Variants in ANKS1B observed in about 807,000 individuals in gnomAD.
ANKS1B encodes the protein ankyrin repeat and sterile alpha motif domain containing 1B.
In ANKS1B, 36 loss-of-function variants were observed where a neutral mutation model predicts 148.3. The observed-to-expected ratio is 0.24, with a 90% CI of 0.19 to 0.32. The LOEUF (loss-of-function observed/expected upper bound fraction) is 0.32, where lower values mean the gene tolerates loss of function less well. Among genes scored for constraint, ANKS1B ranks in the 10% least tolerant of loss-of-function variants. ANKS1B has a pLI of 1.00. For synonymous variants in ANKS1B, 542 were observed against 560.8 expected (o/e 0.97, Z 0.47); for missense variants, 1,157 against 1,542.6 (o/e 0.75, Z 4.19).
At chr12:99,428,338 G>T (rs900190249) in intron 11 of ANKS1B, among the ~76,000 whole-genome samples, 2 of 152,130 alleles carry the variant, frequency 1.3e-5, no homozygotes, top group South Asian at 2.1e-4. Flanking sequence ...AGCAGGAGGT[G>T]TCCATGTGGA....
chr12:99,383,342 G>A (rs764256347), intron 12 of ANKS1B, among the ~76,000 whole-genome samples: 27 of 152,146 alleles, frequency 1.8e-4, no homozygotes, highest in Non-Finnish European at 2.9e-4. Flanking sequence ...TTTATGTGGC[G>A]ATGAAAATGC....
chr12:99,201,719 G>A (rs551405663), intron 14 of ANKS1B, among the ~76,000 whole-genome samples: 3 of 152,140 alleles, frequency 2.0e-5, no homozygotes, highest in Non-Finnish European at 4.4e-5. Flanking sequence ...ATGTTTTGCT[G>A]AAAGAAAACA....
At chr12:98,743,267 C>G (rs2097818332), downstream of ANKS1B, among the ~76,000 whole-genome samples, 1 of 152,120 alleles carries the variant, frequency 6.6e-6, no homozygotes, top group Non-Finnish European at 1.5e-5. Context: ...TGAGAAAAAT[C>G]TTGTGTGTCT....
intron 12 of ANKS1B, among the ~76,000 whole-genome samples, chr12:99,364,855 A>G (rs1477895987): frequency 6.6e-6 from 1 of 152,192 alleles, no homozygotes; most frequent in Non-Finnish European, 1.5e-5. Flanking sequence ...AACTGCCACC[A>G]ATGAGGAAGA....
At chr12:99,797,925 A>G (rs2066450064) in intron 4 of ANKS1B, among the ~76,000 whole-genome samples, 1 of 151,916 alleles carries the variant, frequency 6.6e-6, no homozygotes, top group African/African-American at 2.4e-5. Context: ...TTGGCGTTAT[A>G]TATTTCTGTG....
chr12:99,214,198 A>T (rs2153924194), intron 14 of ANKS1B, among the ~76,000 whole-genome samples: 1 of 152,324 alleles, frequency 6.6e-6, no homozygotes, highest in African/African-American at 2.4e-5. Flanking sequence ...CTTATGTAAT[A>T]GTTAAATTGA....
chr12:99,792,697 A>G (rs1187757905), intron 4 of ANKS1B, among the ~76,000 whole-genome samples: 2 of 151,952 alleles, frequency 1.3e-5, no homozygotes, highest in African/African-American at 2.4e-5. Context: ...AAAACACCTC[A>G]ATGTAATAAA....
intron 14 of ANKS1B, among the ~76,000 whole-genome samples, chr12:99,183,096 C>A (rs1305199461): frequency 6.6e-6 from 1 of 152,086 alleles, no homozygotes; most frequent in Non-Finnish European, 1.5e-5. Flanking sequence ...CAAATATTTT[C>A]TCCCACTCTA....
chr12:99,077,438 A>T (rs1383336433), intron 16 of ANKS1B, among the ~76,000 whole-genome samples: 2 of 152,210 alleles, frequency 1.3e-5, no homozygotes, highest in Non-Finnish European at 2.9e-5. Context: ...CCCTGTCAAA[A>T]GGTACCATGA....
intron 8 of ANKS1B, among the ~76,000 whole-genome samples, chr12:99,678,086 TGTG>T (rs1464313186): frequency 3.9e-5 from 6 of 152,350 alleles, no homozygotes; most frequent in African/African-American, 1.4e-4. Flanking sequence ...ATTACTCTGT[TGTG>T]GTGTACCTTA....
At chr12:98,821,267 T>A (rs1038276278) in intron 19 of ANKS1B, among the ~76,000 whole-genome samples, 2 of 152,248 alleles carry the variant, frequency 1.3e-5, no homozygotes, top group African/African-American at 2.4e-5. Flanking sequence ...TCATCTGATA[T>A]AGCAATTTTC....
At position 99,132,912 on chromosome 12, in the gene ANKS1B, T is replaced by G. The variant is rs543178516; in HGVS notation, c.2526+21377A>C. On this transcript the variant is annotated intron_variant, in intron 15 of 26. Coordinates refer to ENST00000683438, the MANE Select transcript of ANKS1B (RefSeq NM_001352186.2). The stretch of plus-strand genomic sequence containing the variant: ...TGAGGTTGAGGAATGGTACTTCAAA[T>G]GGGTCTTGGAGCTGGAAACTTAAAA... 1.2e-3 allele frequency among the ~76,000 whole-genome samples: 179 copies of G among 152,266 alleles called. 1 individual carries two copies. Among genetic ancestry groups the G allele is most frequent in the Non-Finnish European group, 1.6e-3 (109 of 68,012 alleles).
intron 17 of ANKS1B, among the ~76,000 whole-genome samples, chr12:98,914,992 T>C (rs169303): frequency 0.28 from 42,161 of 152,154 alleles, 6,091 homozygotes; most frequent in African/African-American, 0.35. Context: ...CAGGCTTGTT[T>C]GTCTTCTTTG....
chr12:99,669,398 C>G, intron 8 of ANKS1B, among the ~76,000 whole-genome samples: 1 of 151,976 alleles, frequency 6.6e-6, no homozygotes, highest in East Asian at 1.9e-4. Flanking sequence ...GTAAAGTTAT[C>G]TGGAGATCAG....
chr12:98,955,553 G>A (rs1276179218), intron 17 of ANKS1B, among the ~76,000 whole-genome samples: 1 of 152,208 alleles, frequency 6.6e-6, no homozygotes, highest in Non-Finnish European at 1.5e-5. Context: ...ACAGGAGATG[G>A]TGGTGGCTTA....
intron 17 of ANKS1B, among the ~76,000 whole-genome samples, chr12:99,006,594 C>T (rs1175544784): frequency 6.6e-6 from 1 of 152,168 alleles, no homozygotes; most frequent in Non-Finnish European, 1.5e-5. Context: ...GACTCAGGAC[C>T]CTTTCCCTCT....
chr12:99,451,749 C>T (rs1373015196), intron 10 of ANKS1B, among the ~76,000 whole-genome samples: 1 of 151,786 alleles, frequency 6.6e-6, no homozygotes, highest in Non-Finnish European at 1.5e-5. Context: ...GTGCCTTTCA[C>T]ATAGTGTTAC....
At chr12:99,017,691 C>T (rs544767446) in intron 17 of ANKS1B, among the ~76,000 whole-genome samples, 1 of 152,152 alleles carries the variant, frequency 6.6e-6, no homozygotes, top group Non-Finnish European at 1.5e-5. Context: ...AAGCTCCAAG[C>T]CTTCAGGGAG....
At chr12:99,632,767 A>ATATATATTTTTTTTTT in intron 9 of ANKS1B, among the ~76,000 whole-genome samples, 1 of 71,316 alleles carries the variant, frequency 1.4e-5, no homozygotes, top group South Asian at 4.5e-4. Flanking sequence ...ATATATATAT[A>ATATATATTTTTTTTTT]TTTTAATTAT....
Sources: gnomAD v4.1 joint callset for allele counts (sites outside exome capture counted in the v4.1 genomes callset) on GRCh38, gnomAD v4.1.1 for gene constraint, MANE v1.5 for transcripts, NCBI Gene and HGNC (gene_info 2026-07-23, HGNC 2026-07-21) for gene names.